Variants in LRRK2 observed in about 807,000 individuals in gnomAD.
LRRK2 encodes leucine rich repeat kinase 2, also known as leucine-rich repeat serine/threonine-protein kinase 2.
Under a neutral mutation model 302.6 loss-of-function variants are expected in LRRK2, and 203 were observed. The ratio of observed to expected loss-of-function variants is 0.67; its 90% CI spans 0.60 to 0.75. LRRK2 has a LOEUF of 0.75. Among genes scored for constraint, LRRK2 ranks in the 30% least tolerant of loss-of-function variants. The pLI, the probability that LRRK2 is intolerant of heterozygous loss-of-function variation, is 0.00. For missense variants in LRRK2, 2,830 were observed against 2,951.0 expected, an observed-to-expected ratio of 0.96 and a Z score of 0.95; for synonymous variants, 1,066 against 1,031.9, an observed-to-expected ratio of 1.03 and a Z score of -0.63.
In LRRK2 at chr12:40,367,925, C is replaced by G; in HGVS notation, c.*160C>G. The G allele has an allele frequency of 3.9e-6, 2 of 517,324 alleles. No individual in the cohort carries two copies. The highest frequency in any genetic ancestry group is 6.5e-6 in the Non-Finnish European group (2 of 309,930). The allele number at this position is 517,324 out of a possible 1,614,324, so 32.0% of individuals were successfully genotyped here. On this transcript the variant is annotated 3_prime_UTR_variant, in exon 51 of 51. Coordinates refer to ENST00000298910, the MANE Select transcript of LRRK2 (RefSeq NM_198578.4). ...TTTAATTTAAATATATGTAAAAATA[C>G]TTACCAGTAAATGTGTATTTTAAAG...
At chr12:40,314,233 C>G in intron 32 of LRRK2, 60 bp downstream of exon 32, 1 of 1,489,756 alleles carries the variant, frequency 6.7e-7, no homozygotes, top group Non-Finnish European at 9.3e-7. Flanking sequence ...AAAAGTGTTT[C>G]TGAATCTTTT....
rs558544498 is a variant in LRRK2, at chr12:40,241,416, G to A, written c.706+799G>A. On this transcript the variant is annotated intron_variant, in intron 6 of 50. Transcript: ENST00000298910. ...CAGAAGAAATTAATTTGATGTGTATGCTACCAATGATTGCTATTAGGCTAA... is the reference window on the plus strand; with the variant it reads ...CAGAAGAAATTAATTTGATGTGTATACTACCAATGATTGCTATTAGGCTAA... Among the ~76,000 whole-genome samples the A allele has an allele frequency of 4.6e-4, 67 of 146,044 alleles. 2 individuals carry two copies. In the South Asian group the frequency reaches 0.011, roughly 25 times the overall value.
In LRRK2 at chr12:40,249,405, G is replaced by C. The variant is rs181109770; in HGVS notation, c.839-421G>C. 1.7e-3 allele frequency among the ~76,000 whole-genome samples: 257 copies of C among 151,022 alleles called. 4 individuals are homozygous for C. Among genetic ancestry groups the C allele is most frequent in the African/African-American group, 5.4e-3 (221 of 41,098 alleles). On this transcript the variant is annotated intron_variant, in intron 7 of 50. Coordinates refer to ENST00000298910, the MANE Select transcript of LRRK2 (RefSeq NM_198578.4). ...AATTTTCTAAGCACTATTCCTTTAA[G>C]TGAAAGAAGAGTGTTTCAGTAAAAT...
intron 34 of LRRK2, 65 bp from the exon 35 acceptor site, chr12:40,320,969 T>C: frequency 1.1e-5 from 17 of 1,545,438 alleles, no homozygotes; most frequent in Non-Finnish European, 1.5e-5. Flanking sequence ...AGCAGTAAAA[T>C]CATTTGCTCA....
At chr12:40,326,799 C>T (rs546311722) in intron 38 of LRRK2, among the ~76,000 whole-genome samples, 1 of 152,024 alleles carries the variant, frequency 6.6e-6, no homozygotes, top group African/African-American at 2.4e-5. Flanking sequence ...TTTTAAAAGT[C>T]AAATATTAAG....
At chr12:40,281,228 AGTAG>A (rs1365369564) in intron 18 of LRRK2, among the ~76,000 whole-genome samples, 1 of 152,238 alleles carries the variant, frequency 6.6e-6, no homozygotes, top group African/African-American at 2.4e-5. Flanking sequence ...GAAAAGGTCC[AGTAG>A]GTTCTAATGT....
Position 40,225,249 on chromosome 12 carries a change from G to C in LRRK2, c.118G>C (p.Glu40Gln). 1.2e-6 allele frequency: 2 copies of C among 1,614,134 alleles called. No homozygotes were observed. The highest frequency in any genetic ancestry group is 1.7e-6 in the Non-Finnish European group (2 of 1,180,012). The change falls in exon 1 of 51, where the codon GAG becomes CAG. Residue 40 changes from glutamate to glutamine, a missense_variant. Glu to Gln is a conservative substitution (Grantham distance 29). This residue lies in a region of LRRK2 where 2,121 missense variants were observed against 2,148.0 expected (regional missense o/e 0.99). Transcript: ENST00000298910. ...KQIETLVQILEDLLVFTYSER... is the reference protein window; with the variant it reads ...KQIETLVQILQDLLVFTYSER... ...GATAGAAACGCTGGTCCAAATCCTG[G>C]AGGATCTGCTGGTGTTCACGTACTC... is the stretch of plus-strand genomic sequence containing the variant.
chr12:40,295,696 T>C, intron 23 of LRRK2, 52 bp downstream of exon 23: 2 of 1,522,974 alleles, frequency 1.3e-6, no homozygotes, highest in Non-Finnish European at 1.8e-6. Flanking sequence ...AGCTTTTGTA[T>C]TTATATCTAA....
At chr12:40,230,587 T>A (rs1488386319) in intron 2 of LRRK2, among the ~76,000 whole-genome samples, 2 of 152,210 alleles carry the variant, frequency 1.3e-5, no homozygotes, top group Non-Finnish European at 2.9e-5. Flanking sequence ...CTTTCAGTAT[T>A]TCTATTATAT....
chr12:40,229,859 C>A (rs542700142), intron 2 of LRRK2, among the ~76,000 whole-genome samples: 1 of 151,072 alleles, frequency 6.6e-6, no homozygotes, highest in Non-Finnish European at 1.5e-5. Flanking sequence ...TTTTGCAAAG[C>A]GTTTACTGAT....
chr12:40,257,167 C>T lies in LRRK2; in HGVS notation c.1289-81C>T, dbSNP rs191882003. On this transcript the variant is annotated intron_variant, in intron 11 of 50. Transcript: ENST00000298910. ...GTATATGCTTTCCTGTAAATTTGGA[C>T]TATATTAATATTCTAAAGCTTATGG... The T allele has an allele frequency of 2.0e-5, 20 of 1,012,594 alleles. No homozygotes were observed. In the Admixed American group the frequency reaches 3.1e-4, roughly 16 times the overall value. 62.7% of individuals were successfully genotyped at this position (1,012,594 alleles called of 1,614,324 possible).
At chr12:40,300,704 G>C (rs1332561837) in intron 25 of LRRK2, 1 of 441,998 alleles carries the variant, frequency 2.3e-6, no homozygotes, top group South Asian at 1.7e-5. Context: ...AAGCAAACTC[G>C]GTCTCTGTCC....
chr12:40,349,428 T>C (rs1946289508), intron 43 of LRRK2, among the ~76,000 whole-genome samples: 1 of 152,232 alleles, frequency 6.6e-6, no homozygotes, highest in African/African-American at 2.4e-5. Flanking sequence ...AAAAACCACA[T>C]TGTCGTTTGG....
chr12:40,355,505 A>ATCCCTCCCCCCCTCCC (rs1946500460), intron 45 of LRRK2, among the ~76,000 whole-genome samples: 1 of 55,384 alleles, frequency 1.8e-5, no homozygotes, highest in African/African-American at 5.2e-5. Context: ...CCTTCCTTCC[A>ATCCCTCCCCCCCTCCC]TCCCTCCCTC....
chr12:40,287,822 T>A (rs1032947493), intron 20 of LRRK2, among the ~76,000 whole-genome samples: 1 of 151,936 alleles, frequency 6.6e-6, no homozygotes, highest in African/African-American at 2.4e-5. Flanking sequence ...ATTGACTAGA[T>A]CCTTTCGTGG....
rs1946898889 is a variant in LRRK2 at position 40,367,002 on chromosome 12, A to G, written c.7391-4A>G. 1 of 1,607,680 alleles carries G rather than the reference A, an allele frequency of 6.2e-7. No homozygotes were observed. The highest frequency in any genetic ancestry group is 1.1e-5 in the South Asian group (1 of 90,928). On this transcript the variant is annotated splice_region_variant and splice_polypyrimidine_tract_variant and intron_variant, in intron 49 of 50. Coordinates refer to ENST00000298910, the MANE Select transcript of LRRK2 (RefSeq NM_198578.4). ...GAAAACTTACATATTTTGTTTTTGT[A>G]AAGGAAGCCTTAAAAATGTCATGCT...
intron 40 of LRRK2, among the ~76,000 whole-genome samples, chr12:40,335,908 T>C (rs1945853965): frequency 6.6e-6 from 1 of 152,148 alleles, no homozygotes; most frequent in African/African-American, 2.4e-5. Flanking sequence ...TCACAGCTAA[T>C]CCTTCAGCAA....
chr12:40,287,546 A>G lies in LRRK2; in HGVS notation c.2689+7A>G. On this transcript the variant is annotated splice_region_variant and intron_variant, in intron 20 of 50. Transcript: ENST00000298910. ...GATGACCTGGATAGTGAAGGTATTT[A>G]TTATAAAAAAAAACCCTTTATGCTT... The G allele has an allele frequency of 6.2e-7, 1 of 1,608,146 alleles. No homozygotes were observed.
At chr12:40,274,512 T>C in intron 14 of LRRK2, 71 bp from the exon 15 acceptor site, 1 of 1,501,546 alleles carries the variant, frequency 6.7e-7, no homozygotes, top group South Asian at 1.1e-5. Context: ...ATTTTGTCAG[T>C]CTATAACTGG....
Sources: gnomAD v4.1 joint callset for allele counts (sites outside exome capture counted in the v4.1 genomes callset) on GRCh38, gnomAD v4.1.1 for gene constraint, gnomAD v4.1.1 regional missense constraint, MANE v1.5 for transcripts, NCBI Gene and HGNC (gene_info 2026-07-23, HGNC 2026-07-21) for gene names.